HS3ST2: variants seen among roughly 807,000 people sequenced by gnomAD.
The protein encoded by HS3ST2 is heparan sulfate-glucosamine 3-sulfotransferase 2, also known as heparan sulfate glucosamine 3-O-sulfotransferase 2.
In HS3ST2, 17 loss-of-function variants were observed where a neutral mutation model predicts 26.3. That is an observed-to-expected ratio of 0.65 (90% CI 0.44 to 0.97). The LOEUF is 0.97. HS3ST2 is among the 50% of genes least tolerant of loss of function. The pLI is 0.00. For synonymous variants in HS3ST2, 237 were observed against 219.2 expected (o/e 1.08, Z -0.72); for missense variants, 402 against 501.2 (o/e 0.80, Z 1.89).
chr16:22,889,343 C>A (rs545437573), intron 1 of HS3ST2, among the ~76,000 whole-genome samples: 1 of 152,274 alleles, frequency 6.6e-6, no homozygotes, highest in East Asian at 1.9e-4. Flanking sequence ...CATGTGCCAA[C>A]ACTTCGTATA....
At chr16:22,873,650 A>C (rs958146985) in intron 1 of HS3ST2, among the ~76,000 whole-genome samples, 3 of 152,208 alleles carry the variant, frequency 2.0e-5, no homozygotes, top group African/African-American at 7.2e-5. Flanking sequence ...ACAGAACAAA[A>C]TCCATGTGTT....
intron 1 of HS3ST2, among the ~76,000 whole-genome samples, chr16:22,867,120 A>G (rs1194710756): frequency 6.6e-6 from 1 of 152,186 alleles, no homozygotes; most frequent in Non-Finnish European, 1.5e-5. Flanking sequence ...AGAAGAGAAA[A>G]TCCATTTTAA....
intron 1 of HS3ST2, among the ~76,000 whole-genome samples, chr16:22,884,099 A>G (rs1423927775): frequency 6.6e-6 from 1 of 152,206 alleles, no homozygotes; most frequent in African/African-American, 2.4e-5. Context: ...AAAGGCATTG[A>G]GCTATGCTTG....
rs193070444 is a variant in HS3ST2 at position 22,905,428 on chromosome 16, T to G, written c.486-9516T>G. On this transcript the variant is annotated intron_variant, in intron 1 of 1. Transcript: ENST00000261374. ...CTTGGGTGTTTTTTTGTGTTTGTTTTTTTTTTTTTCTCTTTTTTTGGAAGG... is the reference window on the plus strand; with the variant it reads ...CTTGGGTGTTTTTTTGTGTTTGTTTGTTTTTTTTTCTCTTTTTTTGGAAGG... Among the ~76,000 whole-genome samples, 60 of 152,034 alleles carry G rather than the reference T, an allele frequency of 3.9e-4. 1 individual carries two copies. In the Middle Eastern group the frequency reaches 0.014, roughly 34 times the overall value.
intron 1 of HS3ST2, among the ~76,000 whole-genome samples, chr16:22,904,353 C>T (rs2141205564): frequency 6.6e-6 from 1 of 152,282 alleles, no homozygotes; most frequent in South Asian, 2.1e-4. Context: ...TGATTGCATA[C>T]CAGCAGAGGA....
chr16:22,869,690 C>G (rs577612548), intron 1 of HS3ST2, among the ~76,000 whole-genome samples: 1 of 152,286 alleles, frequency 6.6e-6, no homozygotes, highest in South Asian at 2.1e-4. Context: ...CAGGAAAGAC[C>G]CGCCGCCATA....
chr16:22,895,511 A>G (rs1596629599), intron 1 of HS3ST2, among the ~76,000 whole-genome samples: 1 of 151,864 alleles, frequency 6.6e-6, no homozygotes, highest in Non-Finnish European at 1.5e-5. Context: ...TTAGAATTAC[A>G]TTTTCCTAAT....
At chr16:22,825,097 A>G (rs1567480276) in intron 1 of HS3ST2, among the ~76,000 whole-genome samples, 1 of 152,194 alleles carries the variant, frequency 6.6e-6, no homozygotes, top group Admixed American at 6.5e-5. Context: ...CATAGCTATG[A>G]AAAATTCGAA....
At chr16:22,835,242 T>C (rs1310370614) in intron 1 of HS3ST2, among the ~76,000 whole-genome samples, 2 of 152,180 alleles carry the variant, frequency 1.3e-5, no homozygotes, top group East Asian at 3.8e-4. Flanking sequence ...GAGCCTTCTT[T>C]ATTCCCCTGT....
intron 1 of HS3ST2, among the ~76,000 whole-genome samples, chr16:22,909,172 C>A (rs1902391124): frequency 2.0e-5 from 3 of 152,184 alleles, no homozygotes; most frequent in Admixed American, 2.0e-4. Flanking sequence ...TGCATCCCCA[C>A]CCTTGGCCCA....
At chr16:22,871,281 G>A (rs908873393) in intron 1 of HS3ST2, among the ~76,000 whole-genome samples, 3 of 151,898 alleles carry the variant, frequency 2.0e-5, no homozygotes, top group African/African-American at 4.8e-5. Context: ...GCTTGAACCC[G>A]GGAGGTGGAG....
At position 22,880,556 on chromosome 16, in the gene HS3ST2, C is replaced by T. The variant is rs117049991; in HGVS notation, c.486-34388C>T. 6.7e-3 allele frequency among the ~76,000 whole-genome samples: 1,021 copies of T among 152,312 alleles called. 2 individuals are homozygous for T. Among genetic ancestry groups the T allele is most frequent in the Non-Finnish European group, 0.01 (699 of 68,022 alleles). On this transcript the variant is annotated intron_variant, in intron 1 of 1. Coordinates refer to ENST00000261374, the MANE Select transcript of HS3ST2 (RefSeq NM_006043.2). Reference sequence around the variant, plus strand: ...ATATTTTCTGTTTTACCTATTCGATCCCCTATTTGGCTGGTACCACTTTGA... The same window carrying T: ...ATATTTTCTGTTTTACCTATTCGATTCCCTATTTGGCTGGTACCACTTTGA...
chr16:22,889,092 G>A (rs1596627230), intron 1 of HS3ST2, among the ~76,000 whole-genome samples: 1 of 152,120 alleles, frequency 6.6e-6, no homozygotes, highest in South Asian at 2.1e-4. Flanking sequence ...AGTCGAGGTC[G>A]GCCCATCTTC....
chr16:22,872,336 A>T (rs573023903), intron 1 of HS3ST2, among the ~76,000 whole-genome samples: 277 of 152,306 alleles, frequency 1.8e-3, no homozygotes, highest in Non-Finnish European at 3.2e-3. Context: ...ATTGTCATTT[A>T]CCCAGAGCTT....
chr16:22,853,242 A>G (rs1399689132), intron 1 of HS3ST2, among the ~76,000 whole-genome samples: 4 of 152,102 alleles, frequency 2.6e-5, no homozygotes, highest in Non-Finnish European at 1.5e-5. Context: ...TCCTATCACC[A>G]AAGATTAATT....
At chr16:22,828,672 C>A (rs16973436) in intron 1 of HS3ST2, among the ~76,000 whole-genome samples, 2,552 of 152,292 alleles carry the variant, frequency 0.017, 87 homozygotes, top group African/African-American at 0.058. Flanking sequence ...TAGGATCAAT[C>A]CCCATTTTCA....
intron 1 of HS3ST2, among the ~76,000 whole-genome samples, chr16:22,905,022 C>A (rs756380869): frequency 6.6e-6 from 1 of 152,166 alleles, no homozygotes; most frequent in Non-Finnish European, 1.5e-5. Flanking sequence ...TGCAATAAGG[C>A]CTTTTCCCTC....
At chr16:22,820,585 A>G in intron 1 of HS3ST2, among the ~76,000 whole-genome samples, 1 of 152,262 alleles carries the variant, frequency 6.6e-6, no homozygotes, top group East Asian at 1.9e-4. Flanking sequence ...AACTCCGTAA[A>G]AAGCCATCAG....
chr16:22,876,986 G>A (rs761573155), intron 1 of HS3ST2, among the ~76,000 whole-genome samples: 4 of 152,176 alleles, frequency 2.6e-5, no homozygotes, highest in Non-Finnish European at 2.9e-5. Context: ...GGGGAAGGAT[G>A]GAAAGGGGAT....
Sources: allele counts gnomAD v4.1 joint callset (sites outside exome capture counted in the v4.1 genomes callset), GRCh38; gene constraint gnomAD v4.1.1; transcripts MANE v1.5; gene names NCBI Gene and HGNC (gene_info 2026-07-23, HGNC 2026-07-21).